The following FRMD4A variants were observed in gnomAD, a reference collection of about 807,000 sequenced individuals.
FRMD4A encodes FERM domain containing 4A, also known as FERM domain-containing protein 4A.
FRMD4A carries 29 observed loss-of-function variants against 129.1 expected under a neutral mutation model. The ratio of observed to expected loss-of-function variants is 0.22; its 90% CI spans 0.17 to 0.31. The LOEUF (loss-of-function observed/expected upper bound fraction) is 0.31. FRMD4A is among the 10% of genes least tolerant of loss of function. The pLI is 1.00. For missense variants in FRMD4A, 1,272 were observed against 1,375.8 expected, an observed-to-expected ratio of 0.92 and a Z score of 1.19; for synonymous variants, 634 against 571.6, an observed-to-expected ratio of 1.11 and a Z score of -1.56.
At position 13,729,964 on chromosome 10, in the gene FRMD4A, C is replaced by T. The variant is rs145314610; in HGVS notation, c.759+7880G>A. Among the ~76,000 whole-genome samples the T allele has an allele frequency of 2.0e-5, 3 of 152,314 alleles. No homozygotes were observed. In the East Asian group the frequency reaches 5.8e-4, roughly 29 times the overall value. Reference sequence around the variant, plus strand: ...GTGCTTCACAATATTTGCTCTAATGCTTAAAGCCTCAGATACAGCCTGCTG... The same window carrying T: ...GTGCTTCACAATATTTGCTCTAATGTTTAAAGCCTCAGATACAGCCTGCTG... On this transcript the variant is annotated intron_variant, in intron 12 of 24. Transcript: ENST00000357447.
intron 2 of FRMD4A, among the ~76,000 whole-genome samples, chr10:14,131,590 A>G (rs10796159): frequency 0.59 from 89,939 of 152,044 alleles, 26,755 homozygotes; most frequent in East Asian, 0.76. Flanking sequence ...CCCAACTCCC[A>G]TGACAAATGT....
chr10:13,841,708 C>A (rs982086710), intron 3 of FRMD4A, among the ~76,000 whole-genome samples: 1 of 152,156 alleles, frequency 6.6e-6, no homozygotes, highest in South Asian at 2.1e-4. Flanking sequence ...CAATATGTCT[C>A]CTCATTTGGT....
intron 2 of FRMD4A, among the ~76,000 whole-genome samples, chr10:13,988,672 A>C (rs2095591440): frequency 6.6e-6 from 1 of 152,000 alleles, no homozygotes; most frequent in African/African-American, 2.4e-5. Flanking sequence ...ATAGATCGAT[A>C]GATAGATAGG....
chr10:14,219,677 A>C (rs191163068), intron 2 of FRMD4A, among the ~76,000 whole-genome samples: 3 of 152,208 alleles, frequency 2.0e-5, no homozygotes, highest in African/African-American at 7.2e-5. Context: ...ACACAGAGAC[A>C]GCTAAGCCCC....
At chr10:13,888,986 G>A (rs896618269) in intron 2 of FRMD4A, among the ~76,000 whole-genome samples, 8 of 152,338 alleles carry the variant, frequency 5.3e-5, no homozygotes, top group South Asian at 4.1e-4. Context: ...CAGGCTAAAC[G>A]CAAGTCTTAT....
At position 13,733,902 on chromosome 10, in the gene FRMD4A, A is replaced by C. The variant is rs549562733; in HGVS notation, c.759+3942T>G. 6.6e-5 allele frequency among the ~76,000 whole-genome samples: 10 copies of C among 152,224 alleles called. No individual in the cohort carries two copies. In the South Asian group the frequency reaches 2.1e-3, roughly 32 times the overall value. ...CTACTGGTGTGCCAACTGCCAATCC[A>C]ACCTCCTCCCTCTGTCCAGTCTCTG... On this transcript the variant is annotated intron_variant, in intron 12 of 24. Transcript: ENST00000357447.
At chr10:14,018,177 T>G (rs1363008051) in intron 2 of FRMD4A, among the ~76,000 whole-genome samples, 1 of 151,908 alleles carries the variant, frequency 6.6e-6, no homozygotes, top group Admixed American at 6.6e-5. Context: ...CTGGGTGCAG[T>G]GGCTCACATC....
chr10:14,180,627 G>C (rs529737821), intron 2 of FRMD4A, among the ~76,000 whole-genome samples: 1 of 152,292 alleles, frequency 6.6e-6, no homozygotes, highest in East Asian at 1.9e-4. Flanking sequence ...CTATTACTGT[G>C]TGGCACCAGG....
At chr10:14,131,397 C>CA (rs1554767016) in intron 2 of FRMD4A, among the ~76,000 whole-genome samples, 3,326 of 70,964 alleles carry the variant, frequency 0.047, 109 homozygotes, top group African/African-American at 0.16. Context: ...ACTCACTGTG[C>CA]CCCCCCCGGC....
At chr10:13,838,090 C>G (rs564377351) in intron 3 of FRMD4A, among the ~76,000 whole-genome samples, 1 of 152,128 alleles carries the variant, frequency 6.6e-6, no homozygotes, top group African/African-American at 2.4e-5. Context: ...CGTGCTATCT[C>G]TTTATTTAGT....
At chr10:14,095,253 C>G (rs1280685245) in intron 2 of FRMD4A, among the ~76,000 whole-genome samples, 1 of 152,158 alleles carries the variant, frequency 6.6e-6, no homozygotes, top group East Asian at 1.9e-4. Context: ...CTTCTCCCCA[C>G]CAGCTCTTCA....
At chr10:14,140,058 A>G (rs1564332465) in intron 2 of FRMD4A, among the ~76,000 whole-genome samples, 1 of 151,972 alleles carries the variant, frequency 6.6e-6, no homozygotes, top group Non-Finnish European at 1.5e-5. Flanking sequence ...TTTATTGTAC[A>G]TATTTTATTT....
chr10:13,670,517 G>A lies in FRMD4A; in HGVS notation c.1263C>T (p.Gly421=), dbSNP rs770805150. 1.9e-6 allele frequency: 3 copies of A among 1,613,006 alleles called. No homozygotes were observed. In the South Asian group the frequency reaches 3.3e-5, roughly 18 times the overall value. Residue 421 remains glycine (G), a synonymous_variant, in exon 17 of 25, where the codon GGC becomes GGT. Coordinates refer to ENST00000357447, the MANE Select transcript of FRMD4A (RefSeq NM_018027.5). ...CCAGGGGATATTCTACTGGCAGCTT[G>A]CCCGTGAGCTCCTGCATATGTGAAA... is the stretch of plus-strand genomic sequence containing the variant. ...KLCLREAELT[G]KLPVEYPLDP... is the part of the protein sequence containing the mutation.
intron 2 of FRMD4A, among the ~76,000 whole-genome samples, chr10:13,963,293 A>G (rs571106523): frequency 1.2e-4 from 17 of 140,446 alleles, no homozygotes; most frequent in African/African-American, 4.5e-4. Flanking sequence ...TTTTTTTTCA[A>G]CCACATATGT....
At chr10:14,020,803 A>G (rs1832710268) in intron 2 of FRMD4A, among the ~76,000 whole-genome samples, 1 of 152,060 alleles carries the variant, frequency 6.6e-6, no homozygotes, top group African/African-American at 2.4e-5. Context: ...CTTAGAAAGA[A>G]CCCAAATTCC....
intron 2 of FRMD4A, among the ~76,000 whole-genome samples, chr10:14,170,343 C>T (rs1021050472): frequency 1.3e-5 from 2 of 152,204 alleles, no homozygotes; most frequent in Non-Finnish European, 2.9e-5. Context: ...ATTTCAAATG[C>T]TCCTTCTTTA....
At chr10:14,324,986 T>C (rs541598243) in intron 2 of FRMD4A, among the ~76,000 whole-genome samples, 24 of 152,336 alleles carry the variant, frequency 1.6e-4, no homozygotes, top group Middle Eastern at 3.4e-3. Flanking sequence ...TCGCAAATTA[T>C]CTGAGTCATC....
At chr10:13,861,094 C>T (rs1176318903) in intron 2 of FRMD4A, among the ~76,000 whole-genome samples, 2 of 152,188 alleles carry the variant, frequency 1.3e-5, no homozygotes, top group African/African-American at 4.8e-5. Context: ...GCCTACTGCA[C>T]TCACGGCTCA....
intron 2 of FRMD4A, among the ~76,000 whole-genome samples, chr10:13,973,254 C>A (rs1054648311): frequency 5.9e-5 from 9 of 152,248 alleles, no homozygotes; most frequent in Admixed American, 5.2e-4. Context: ...AATATGAAAC[C>A]CTTAGGATAA....
Sources: gnomAD v4.1 joint callset for allele counts (sites outside exome capture counted in the v4.1 genomes callset) on GRCh38, gnomAD v4.1.1 for gene constraint, MANE v1.5 for transcripts, NCBI Gene and HGNC (gene_info 2026-07-23, HGNC 2026-07-21) for gene names.